ATXN2: variants seen among roughly 807,000 people sequenced by gnomAD.
ATXN2 encodes ataxin 2.
A neutral mutation model predicts 138.6 loss-of-function variants in ATXN2; 37 were observed. The observed-to-expected ratio is 0.27, with a 90% confidence interval of 0.21 to 0.35. The LOEUF is 0.35. Among genes scored for constraint, ATXN2 ranks in the 10% least tolerant of loss-of-function variants. ATXN2 has a pLI of 1.00. For missense variants in ATXN2, 1,216 were observed against 1,480.3 expected (o/e 0.82, Z 2.93); for synonymous variants, 549 against 543.7 (o/e 1.01, Z -0.13).
At chr12:111,556,815 CAAA>C (rs139710740) in intron 1 of ATXN2, among the ~76,000 whole-genome samples, 1 of 58,488 alleles carries the variant, frequency 1.7e-5, no homozygotes, top group Non-Finnish European at 3.5e-5. Context: ...GACTCTGTCT[CAAA>C]AAAAAAAAAA....
Position 111,456,108 on chromosome 12 carries a change from T to G in ATXN2, c.3191A>C (p.Gln1064Pro). The part of the protein sequence containing the change: ...QSPQNSFPAA[Q>P]QTVFTIHPSH... Reference sequence around the variant, plus strand: ...AGGATGGATCGTAAAGACAGTCTGTTGTGCTGCTGGGAAACTATTCTGTGG... The same window carrying G: ...AGGATGGATCGTAAAGACAGTCTGTGGTGCTGCTGGGAAACTATTCTGTGG... The change falls in exon 23 of 25, where the codon CAA becomes CCA. Residue 1064 changes from glutamine (Q) to proline (P), a missense_variant. This residue lies in a region of ATXN2 where 490 missense variants were observed against 653.5 expected (regional missense o/e 0.75). Transcript: ENST00000673436. 6.2e-7 allele frequency: 1 copy of G among 1,614,196 alleles called. No homozygotes were observed. Among genetic ancestry groups the G allele is most frequent in the African/African-American group, 1.3e-5 (1 of 75,038 alleles).
chr12:111,540,687 CGTCTAA>C (rs1881450849), intron 5 of ATXN2, among the ~76,000 whole-genome samples: 1 of 146,838 alleles, frequency 6.8e-6, no homozygotes, highest in South Asian at 2.1e-4. Flanking sequence ...CTTTTGGACA[CGTCTAA>C]GTCTTTTTTT....
At chr12:111,568,258 C>G (rs1412709387) in intron 1 of ATXN2, among the ~76,000 whole-genome samples, 1 of 151,268 alleles carries the variant, frequency 6.6e-6, no homozygotes, top group African/African-American at 2.4e-5. Flanking sequence ...GAGACTCTGT[C>G]TCAAAAACAA....
chr12:111,599,488 C>T (rs1885158712), upstream of ATXN2: 3 of 1,215,508 alleles, frequency 2.5e-6, no homozygotes, highest in Admixed American at 1.3e-4. Context: ...CCGCGGGACT[C>T]CGAGGAGCTG....
At chr12:111,535,782 C>T (rs1881127018) in intron 5 of ATXN2, among the ~76,000 whole-genome samples, 2 of 151,820 alleles carry the variant, frequency 1.3e-5, no homozygotes, top group Admixed American at 1.3e-4. Context: ...GGGCGGATCA[C>T]GAGGTCAGGA....
intron 1 of ATXN2, among the ~76,000 whole-genome samples, chr12:111,567,526 T>C (rs1421809335): frequency 6.9e-6 from 1 of 144,716 alleles, no homozygotes; most frequent in African/African-American, 2.6e-5. Flanking sequence ...GTTCCAAAAA[T>C]GAAATGGCCT....
chr12:111,579,014 G>C (rs867756199), intron 1 of ATXN2, among the ~76,000 whole-genome samples: 109 of 152,204 alleles, frequency 7.2e-4, no homozygotes, highest in African/African-American at 2.6e-3. Context: ...CTCCACCCTG[G>C]GTGACAGAGC....
At chr12:111,507,247 T>A (rs1283030992) in intron 14 of ATXN2, among the ~76,000 whole-genome samples, 1 of 142,294 alleles carries the variant, frequency 7.0e-6, no homozygotes, top group African/African-American at 2.7e-5. Context: ...ACCCGTCGTC[T>A]GAGATGTGGG....
At position 111,598,943 on chromosome 12, in the gene ATXN2, G is replaced by A; in HGVS notation, c.92C>T (p.Pro31Leu). The A allele has an allele frequency of 7.0e-7, 1 of 1,427,912 alleles. No homozygotes were observed. The highest frequency in any genetic ancestry group is 1.8e-5 in the African/African-American group (1 of 55,602). 88.5% of individuals were successfully genotyped at this position (1,427,912 alleles called of 1,614,324 possible). A position where few individuals can be genotyped will look rare whatever the true frequency, so the allele number is the denominator to read the frequency against. The change falls in exon 1 of 25, where the codon CCC becomes CTC. Residue 31 changes from proline (P) to leucine (L), a missense_variant. Coordinates refer to ENST00000673436, the MANE Select transcript of ATXN2 (RefSeq NM_001372574.1). This position sits in a 1 kb window ranked among gnomAD's most constrained non-coding sequence, Gnocchi z 4.5. Reference sequence around the variant, plus strand: ...GGGCTTGCGGACATTGGCAGCCGCGGGCGGCGGCTGCTGCTGCTGCTGCTG... The same window carrying A: ...GGGCTTGCGGACATTGGCAGCCGCGAGCGGCGGCTGCTGCTGCTGCTGCTG... ...QQQQQQQQPP[P>L]AAANVRKPGG...
chr12:111,535,943 T>C (rs1319429470), intron 5 of ATXN2, among the ~76,000 whole-genome samples: 1 of 140,888 alleles, frequency 7.1e-6, no homozygotes, highest in Non-Finnish European at 1.5e-5. Flanking sequence ...GAGCTTGCAG[T>C]GAGCCGAGAT....
intron 1 of ATXN2, among the ~76,000 whole-genome samples, chr12:111,587,311 T>C (rs930613618): frequency 5.3e-5 from 8 of 152,044 alleles, no homozygotes; most frequent in Admixed American, 2.0e-4. Context: ...TTAGAAAAAT[T>C]ATTAAGAATA....
At position 111,485,722 on chromosome 12, in the gene ATXN2, T is replaced by C. The variant is rs763319845; in HGVS notation, c.2448A>G (p.Pro816=). 45 of 1,613,884 alleles carry C rather than the reference T, an allele frequency of 2.8e-5. No homozygotes were observed. The Admixed American group carries it at 3.2e-4, about 11-fold the overall frequency. The change falls in exon 17 of 25, where the codon CCA becomes CCG. Residue 816 remains proline (P), a synonymous_variant. Transcript: ENST00000673436. ...AAATTCTATGACTTACTTGCACGCC[T>C]GGGCTCACTGGGACTGGATACATCA... The part of the protein sequence containing the change: ...PNMMYPVPVS[P]GVQPLYPIPM...
intron 5 of ATXN2, among the ~76,000 whole-genome samples, chr12:111,530,916 C>T (rs925828752): frequency 1.3e-5 from 2 of 151,174 alleles, no homozygotes; most frequent in Middle Eastern, 3.5e-3. Flanking sequence ...ACCTGAGGTC[C>T]GGAGTTCGAG....
rs929446656 is a variant in ATXN2, at chr12:111,509,824, G to A, written c.1864+67C>T. Reference sequence around the variant, plus strand: ...AATGTTGAACAAAAATATTCTGTATGGGCATGAAATTAGACATACTTCTTC... The same window carrying A: ...AATGTTGAACAAAAATATTCTGTATAGGCATGAAATTAGACATACTTCTTC... On this transcript the variant is annotated intron_variant, in intron 13 of 24. Transcript: ENST00000673436. 1.9e-4 allele frequency: 234 copies of A among 1,220,540 alleles called. 1 individual carries two copies. The East Asian group carries it at 5.4e-3, about 28-fold the overall frequency. 75.6% of individuals were successfully genotyped at this position (1,220,540 alleles called of 1,614,324 possible). A position where few individuals can be genotyped will look rare whatever the true frequency, so the allele number is the denominator to read the frequency against.
At chr12:111,593,138 A>G (rs2135853089) in intron 1 of ATXN2, among the ~76,000 whole-genome samples, 1 of 152,038 alleles carries the variant, frequency 6.6e-6, no homozygotes, top group South Asian at 2.1e-4. Context: ...GCTGGAGTGT[A>G]ATGGCATGAT....
intron 1 of ATXN2, among the ~76,000 whole-genome samples, chr12:111,591,125 G>A (rs1015770034): frequency 1.3e-5 from 2 of 151,910 alleles, no homozygotes; most frequent in Non-Finnish European, 2.9e-5. Context: ...TCCTGACCTC[G>A]TGATCTGCCC....
intron 5 of ATXN2, among the ~76,000 whole-genome samples, chr12:111,532,756 T>A (rs767511981): frequency 7.3e-5 from 11 of 151,052 alleles, no homozygotes; most frequent in Non-Finnish European, 1.3e-4. Flanking sequence ...TGCCTCTTTG[T>A]ACTGACAAGC....
chr12:111,579,838 T>C (rs1947437475), intron 1 of ATXN2, among the ~76,000 whole-genome samples: 1 of 151,784 alleles, frequency 6.6e-6, no homozygotes, highest in African/African-American at 2.4e-5. Context: ...TAGCTGGGAT[T>C]ACAGGAGCGC....
At chr12:111,561,731 G>C (rs1387292558) in intron 1 of ATXN2, among the ~76,000 whole-genome samples, 1 of 151,974 alleles carries the variant, frequency 6.6e-6, no homozygotes, top group Non-Finnish European at 1.5e-5. Flanking sequence ...CTACTTGGGA[G>C]GCTGAGGCAC....
Sources: gnomAD v4.1 joint callset for allele counts (sites outside exome capture counted in the v4.1 genomes callset) on GRCh38, gnomAD v4.1.1 for gene constraint, gnomAD v4.1.1 regional missense constraint, Gnocchi (gnomAD v3.1) non-coding constraint, MANE v1.5 for transcripts, NCBI Gene and HGNC (gene_info 2026-07-23, HGNC 2026-07-21) for gene names.